Variants in SNX10 observed in about 807,000 individuals in gnomAD.
SNX10 encodes sorting nexin 10.
Under a neutral mutation model 28.5 loss-of-function variants are expected in SNX10, and 25 were observed. The ratio of observed to expected loss-of-function variants is 0.88; its 90% CI spans 0.64 to 1.22. The LOEUF is 1.22. Ranked by LOEUF, SNX10 falls within the 50% of genes most tolerant of loss-of-function variation. SNX10 has a pLI of 0.00. For missense variants in SNX10, 223 were observed against 242.6 expected, an observed-to-expected ratio of 0.92 and a Z score of 0.54; for synonymous variants, 62 against 81.4, an observed-to-expected ratio of 0.76 and a Z score of 1.28.
chr7:26,335,732 A>G (rs924780234), intron 1 of SNX10, among the ~76,000 whole-genome samples: 27 of 112,446 alleles, frequency 2.4e-4, no homozygotes, highest in Admixed American at 1.0e-3. Flanking sequence ...CAGATGGAAT[A>G]TTCTTTTTTT....
intron 1 of SNX10, among the ~76,000 whole-genome samples, chr7:26,324,841 T>C (rs1787439880): frequency 6.6e-6 from 1 of 150,704 alleles, no homozygotes; most frequent in African/African-American, 2.5e-5. Context: ...TCCTGAATTA[T>C]ATTATTTAAA....
chr7:26,351,657 TTG>T (rs70943295), intron 2 of SNX10, among the ~76,000 whole-genome samples: 26,643 of 80,096 alleles, frequency 0.33, 4,289 homozygotes, highest in South Asian at 0.45. Context: ...TTTTTTTTTT[TTG>T]TTTTTTTTTT....
intron 2 of SNX10, among the ~76,000 whole-genome samples, chr7:26,348,925 C>G (rs1201307142): frequency 6.6e-6 from 1 of 152,204 alleles, no homozygotes; most frequent in Non-Finnish European, 1.5e-5. Context: ...ACTTATCCTT[C>G]AGGCATTGGC....
intron 1 of SNX10, among the ~76,000 whole-genome samples, chr7:26,305,469 A>G (rs918243757): frequency 2.0e-5 from 3 of 152,168 alleles, no homozygotes; most frequent in Admixed American, 6.5e-5. Context: ...TGGGGAGAAG[A>G]TGTGCTCTTC....
rs190029189 is a variant in SNX10 at position 26,297,383 on chromosome 7, C to T, written c.-24+5297C>T. ...TGCTGGGATTACAGGAATAAGGCAC[C>T]GCAGCTGGCCAGAAGATGGTTTTTA... On this transcript the variant is annotated intron_variant, in intron 1 of 6. Coordinates refer to ENST00000338523, the MANE Select transcript of SNX10 (RefSeq NM_013322.3). Among the ~76,000 whole-genome samples, 410 of 152,262 alleles carry T rather than the reference C, an allele frequency of 2.7e-3. 1 individual carries two copies. Among genetic ancestry groups the T allele is most frequent in the African/African-American group, 9.0e-3 (372 of 41,540 alleles).
intron 2 of SNX10, among the ~76,000 whole-genome samples, chr7:26,353,437 CTTTTT>C (rs11386172): frequency 9.4e-5 from 7 of 74,374 alleles, no homozygotes; most frequent in Admixed American, 3.9e-4. Context: ...CTGGTAAATG[CTTTTT>C]TTTTTTTTTT....
intron 1 of SNX10, among the ~76,000 whole-genome samples, chr7:26,312,071 CA>C (rs1002546483): frequency 2.2e-4 from 33 of 152,226 alleles, no homozygotes; most frequent in African/African-American, 7.9e-4. Flanking sequence ...TATCAGAAAA[CA>C]AAAGTTACTT....
chr7:26,320,581 C>T (rs755086551), intron 1 of SNX10, among the ~76,000 whole-genome samples: 21 of 152,008 alleles, frequency 1.4e-4, no homozygotes, highest in Non-Finnish European at 2.8e-4. Context: ...TACAGGCGCC[C>T]GCCACCACGC....
rs34578197 is a variant in SNX10 at position 26,371,813 on chromosome 7, T to A, written c.312-8T>A. 16,296 of 1,580,522 alleles carry A rather than the reference T, an allele frequency of 0.01. 121 individuals carry two copies. Among genetic ancestry groups the A allele is most frequent in the Non-Finnish European group, 0.012 (14,330 of 1,159,436 alleles). ...CACCAATTATTTTTCCTTTTTTTTT[T>A]AATATAGAGTCCTACAGAATGCACT... On this transcript the variant is annotated splice_region_variant and splice_polypyrimidine_tract_variant and intron_variant, in intron 5 of 6. Coordinates refer to ENST00000338523, the MANE Select transcript of SNX10 (RefSeq NM_013322.3).
At chr7:26,335,593 CAG>C (rs2128006523) in intron 1 of SNX10, among the ~76,000 whole-genome samples, 1 of 152,292 alleles carries the variant, frequency 6.6e-6, no homozygotes, top group South Asian at 2.1e-4. Flanking sequence ...GGCTCTTCCC[CAG>C]CAGATCTGGG....
At chr7:26,320,762 A>G (rs920575274) in intron 1 of SNX10, among the ~76,000 whole-genome samples, 34 of 152,304 alleles carry the variant, frequency 2.2e-4, no homozygotes, top group African/African-American at 7.9e-4. Context: ...ACAAGCATGT[A>G]TACACATATG....
In SNX10 at chr7:26,372,556, C is replaced by G; in HGVS notation, c.590C>G (p.Ala197Gly). Reference protein sequence around the residue: ...SSSHGCKVNTAPQES With the variant: ...SSSHGCKVNTGPQES Reference sequence around the variant, plus strand: ...TCACATGGATGTAAAGTAAATACAGCTCCGCAGGAATCCTGAAAAATAATT... The same window carrying G: ...TCACATGGATGTAAAGTAAATACAGGTCCGCAGGAATCCTGAAAAATAATT... Residue 197 changes from alanine to glycine, a missense_variant, in exon 7 of 7, where the codon GCT becomes GGT. Transcript: ENST00000338523. The G allele has an allele frequency of 6.3e-7, 1 of 1,596,468 alleles. No individual in the cohort carries two copies. Among genetic ancestry groups the G allele is most frequent in the Non-Finnish European group, 8.6e-7 (1 of 1,164,024 alleles).
intron 1 of SNX10, among the ~76,000 whole-genome samples, chr7:26,306,812 C>T (rs894337303): frequency 6.6e-6 from 1 of 152,210 alleles, no homozygotes; most frequent in African/African-American, 2.4e-5. Flanking sequence ...CTGCAGCTGG[C>T]ACAGTCGGAG....
chr7:26,366,130 G>T (rs1789280584), intron 5 of SNX10, among the ~76,000 whole-genome samples: 1 of 152,122 alleles, frequency 6.6e-6, no homozygotes, highest in South Asian at 2.1e-4. Flanking sequence ...TTACTGACAG[G>T]ACCCAGTCTC....
At chr7:26,313,017 G>C (rs557206342) in intron 1 of SNX10, among the ~76,000 whole-genome samples, 38 of 152,302 alleles carry the variant, frequency 2.5e-4, no homozygotes, top group African/African-American at 8.9e-4. Context: ...GATATGGCTT[G>C]ATCCAGCAAT....
At chr7:26,301,488 A>G (rs1786364937) in intron 1 of SNX10, among the ~76,000 whole-genome samples, 1 of 152,138 alleles carries the variant, frequency 6.6e-6, no homozygotes, top group Non-Finnish European at 1.5e-5. Flanking sequence ...GAGAACAAAA[A>G]AGAGGGTGAG....
intron 5 of SNX10, among the ~76,000 whole-genome samples, chr7:26,366,288 A>C (rs1789284621): frequency 6.6e-6 from 1 of 152,212 alleles, no homozygotes; most frequent in Non-Finnish European, 1.5e-5. Flanking sequence ...TTAAGTATGC[A>C]CATTAATATT....
At chr7:26,296,944 T>G (rs1472692314) in intron 1 of SNX10, among the ~76,000 whole-genome samples, 1 of 152,246 alleles carries the variant, frequency 6.6e-6, no homozygotes, top group African/African-American at 2.4e-5. Context: ...TAAAATGGAC[T>G]GTTACTAAGT....
chr7:26,359,675 T>TG (rs1788986887), intron 2 of SNX10, among the ~76,000 whole-genome samples: 1 of 152,150 alleles, frequency 6.6e-6, no homozygotes, highest in African/African-American at 2.4e-5. Flanking sequence ...TTAATTTTTT[T>TG]TTTTTTTGAG....
Sources: gnomAD v4.1 joint callset for allele counts (sites outside exome capture counted in the v4.1 genomes callset) on GRCh38, gnomAD v4.1.1 for gene constraint, MANE v1.5 for transcripts, NCBI Gene and HGNC (gene_info 2026-07-23, HGNC 2026-07-21) for gene names.